NAV2: variants seen among roughly 807,000 people sequenced by gnomAD.
NAV2 encodes neuron navigator 2.
NAV2 carries 54 observed loss-of-function variants against 223.2 expected under a neutral mutation model. The observed-to-expected ratio is 0.24, with a 90% CI of 0.19 to 0.30. The LOEUF (loss-of-function observed/expected upper bound fraction) is 0.30. Among genes scored for constraint, NAV2 ranks in the 10% least tolerant of loss-of-function variants. NAV2 has a pLI of 1.00. For missense variants in NAV2, 2,806 were observed against 3,147.5 expected, an observed-to-expected ratio of 0.89 and a Z score of 2.60; for synonymous variants, 1,279 against 1,239.3, an observed-to-expected ratio of 1.03 and a Z score of -0.67.
intron 1 of NAV2, among the ~76,000 whole-genome samples, chr11:19,652,538 T>A (rs2048000597): frequency 6.6e-6 from 1 of 152,192 alleles, no homozygotes; most frequent in Non-Finnish European, 1.5e-5. Flanking sequence ...TTTCCCCTCT[T>A]TTCTTCCCCC....
intron 3 of NAV2, among the ~76,000 whole-genome samples, chr11:19,859,184 G>A (rs1303302280): frequency 3.7e-5 from 4 of 109,266 alleles, no homozygotes; most frequent in African/African-American, 6.9e-5. Flanking sequence ...GGTGTTTCTC[G>A]CAGAGGGGGA....
chr11:19,351,494 G>T (rs186407305), intron 1 of NAV2, among the ~76,000 whole-genome samples: 2 of 152,296 alleles, frequency 1.3e-5, no homozygotes, highest in African/African-American at 4.8e-5. Flanking sequence ...CCCTATCTGT[G>T]AGAATGTCAC....
At chr11:19,892,907 A>T (rs2041635179) in intron 6 of NAV2, among the ~76,000 whole-genome samples, 1 of 152,216 alleles carries the variant, frequency 6.6e-6, no homozygotes. Flanking sequence ...TATGTTCCAT[A>T]TATTAAGTAG....
chr11:19,822,644 G>A (rs1263442860), intron 1 of NAV2, among the ~76,000 whole-genome samples: 2 of 152,176 alleles, frequency 1.3e-5, no homozygotes, highest in African/African-American at 4.8e-5. Flanking sequence ...TTTGTTTGGT[G>A]GTTGTGCAGG....
chr11:19,601,283 T>A (rs2046343745), intron 1 of NAV2, among the ~76,000 whole-genome samples: 1 of 152,220 alleles, frequency 6.6e-6, no homozygotes, highest in Non-Finnish European at 1.5e-5. Context: ...TACACCCTAC[T>A]TGGAACATCC....
intron 26 of NAV2, among the ~76,000 whole-genome samples, chr11:20,085,891 C>T (rs1054496524): frequency 1.6e-4 from 24 of 152,148 alleles, no homozygotes; most frequent in Non-Finnish European, 2.8e-4. Context: ...CAAAGCCATA[C>T]CACCTGCAGC....
chr11:19,980,119 A>G (rs372093189), intron 10 of NAV2, among the ~76,000 whole-genome samples: 2 of 152,180 alleles, frequency 1.3e-5, no homozygotes, highest in East Asian at 3.9e-4. Flanking sequence ...CATGTTCCTT[A>G]ACCCTGATGC....
At chr11:19,629,802 T>C (rs1404842761) in intron 1 of NAV2, among the ~76,000 whole-genome samples, 1 of 152,166 alleles carries the variant, frequency 6.6e-6, no homozygotes, top group Non-Finnish European at 1.5e-5. Context: ...ACCCTGCACT[T>C]TCCCGCCTCT....
chr11:19,675,450 C>T (rs1180081280), intron 1 of NAV2, among the ~76,000 whole-genome samples: 2 of 152,168 alleles, frequency 1.3e-5, no homozygotes, highest in African/African-American at 4.8e-5. Context: ...GAGTAGACAC[C>T]CACTGCCTGT....
chr11:19,604,441 G>A (rs868292245), intron 1 of NAV2, among the ~76,000 whole-genome samples: 1 of 152,154 alleles, frequency 6.6e-6, no homozygotes, highest in African/African-American at 2.4e-5. Context: ...TGGGGTCCGA[G>A]CAACAGGAAG....
intron 1 of NAV2, among the ~76,000 whole-genome samples, chr11:19,396,310 C>T (rs546416257): frequency 2.2e-4 from 33 of 152,074 alleles, no homozygotes; most frequent in Non-Finnish European, 3.2e-4. Flanking sequence ...TGAGGAAGTA[C>T]GGAGGCAGGA....
chr11:19,359,568 C>T (rs985557079), intron 1 of NAV2, among the ~76,000 whole-genome samples: 5 of 152,164 alleles, frequency 3.3e-5, no homozygotes, highest in African/African-American at 1.2e-4. Context: ...TGAGGAGTCT[C>T]AATTTCTGAG....
At chr11:19,678,680 G>A (rs985265359) in intron 1 of NAV2, among the ~76,000 whole-genome samples, 1 of 152,032 alleles carries the variant, frequency 6.6e-6, no homozygotes, top group Non-Finnish European at 1.5e-5. Context: ...CGAAAGAGAA[G>A]CATGGGGAAA....
Position 19,816,734 on chromosome 11 carries a change from A to T in NAV2, c.268-15750A>T, listed in dbSNP as rs148969513. On this transcript the variant is annotated intron_variant, in intron 1 of 37. Transcript: ENST00000349880. Reference sequence around the variant, plus strand: ...AGCTTCCAGGGTTTAAACATTTTGCAATTGATCATTCTGAGGTCAGTGCTT... The same window carrying T: ...AGCTTCCAGGGTTTAAACATTTTGCTATTGATCATTCTGAGGTCAGTGCTT... Among the ~76,000 whole-genome samples the T allele has an allele frequency of 2.8e-3, 424 of 152,330 alleles. 4 individuals carry two copies. Among genetic ancestry groups the T allele is most frequent in the Non-Finnish European group, 4.1e-3 (282 of 68,018 alleles).
chr11:19,704,913 A>C (rs2049613803), intron 1 of NAV2, among the ~76,000 whole-genome samples: 2 of 150,544 alleles, frequency 1.3e-5, no homozygotes. Flanking sequence ...CGGGAGGCTG[A>C]GGCAGGAGAA....
At chr11:19,482,627 T>C (rs1564973422) in intron 1 of NAV2, among the ~76,000 whole-genome samples, 1 of 152,100 alleles carries the variant, frequency 6.6e-6, no homozygotes, top group East Asian at 1.9e-4. Flanking sequence ...TCCCCAATAG[T>C]CTTTGCAAGT....
At position 19,923,458 on chromosome 11, in the gene NAV2, CT is replaced by C. The variant is rs2044457413; in HGVS notation, c.932-9715del. On this transcript the variant is annotated intron_variant, in intron 6 of 37. Transcript: ENST00000349880. ...AACTTACCTGACCATAGAATCTCTT[CT>C]TTCTTTTACTGTCTATTTATATTGT... 2.6e-5 allele frequency among the ~76,000 whole-genome samples: 4 copies of C among 152,144 alleles called. No individual in the cohort carries two copies. In the East Asian group the frequency reaches 7.7e-4, roughly 29 times the overall value.
chr11:19,871,648 A>C (rs1055507734), intron 4 of NAV2, among the ~76,000 whole-genome samples: 3 of 152,154 alleles, frequency 2.0e-5, no homozygotes, highest in Non-Finnish European at 4.4e-5. Context: ...TAGGACTAGC[A>C]GGAACGTGTG....
chr11:19,525,220 A>G (rs2134367012), intron 1 of NAV2, among the ~76,000 whole-genome samples: 1 of 152,328 alleles, frequency 6.6e-6, no homozygotes, highest in African/African-American at 2.4e-5. Context: ...GGCCCCAGAG[A>G]GGTGCACTGA....
Sources: gnomAD v4.1 joint callset for allele counts (sites outside exome capture counted in the v4.1 genomes callset) on GRCh38, gnomAD v4.1.1 for gene constraint, MANE v1.5 for transcripts, NCBI Gene and HGNC (gene_info 2026-07-23, HGNC 2026-07-21) for gene names.